The following BCO2 variants were observed in gnomAD, a reference collection of about 807,000 sequenced individuals.
BCO2 encodes the protein beta-carotene oxygenase 2, also known as carotenoid-cleaving dioxygenase, mitochondrial.
In BCO2, 56 loss-of-function variants were observed where a neutral mutation model predicts 65.8. That is an observed-to-expected ratio of 0.85 (90% CI 0.69 to 1.06). The LOEUF is 1.06. Ranked by LOEUF, BCO2 falls within the 50% of genes least tolerant of loss-of-function variation. The pLI is 0.00. For missense variants in BCO2, 675 were observed against 698.5 expected, an observed-to-expected ratio of 0.97 and a Z score of 0.38; for synonymous variants, 233 against 242.3, an observed-to-expected ratio of 0.96 and a Z score of 0.36.
Position 112,206,654 on chromosome 11 carries a change from A to T in BCO2, c.1194+4464A>T, listed in dbSNP as rs566719298. Among the ~76,000 whole-genome samples the T allele has an allele frequency of 1.8e-4, 27 of 152,114 alleles. 1 individual carries two copies. In the South Asian group the frequency reaches 5.4e-3, roughly 30 times the overall value. On this transcript the variant is annotated intron_variant, in intron 8 of 11. Transcript: ENST00000357685. ...AATTCCTTATTGGATATGTGGTTGC[A>T]ATTTTTTTCCCCAGCCCATAGGTCG...
chr11:112,208,771 A>G (rs1248958418), intron 8 of BCO2: 1 of 189,830 alleles, frequency 5.3e-6, no homozygotes, highest in Non-Finnish European at 1.2e-5. Flanking sequence ...TTCTAAGGGA[A>G]GTAAATTACT....
intron 2 of BCO2, among the ~76,000 whole-genome samples, chr11:112,190,510 T>C (rs970499292): frequency 2.0e-5 from 3 of 152,144 alleles, no homozygotes; most frequent in Non-Finnish European, 4.4e-5. Flanking sequence ...CCATAGATGT[T>C]GAAAAAGCTT....
chr11:112,196,915 TCCTTCCCTTCCCTTCCCTTCCCTTC>T lies in BCO2; in HGVS notation c.736+2186_736+2210del, dbSNP rs71060231. On this transcript the variant is annotated intron_variant, in intron 5 of 11. Transcript: ENST00000357685. ...TTCTCCTTCCTTTCCTTCCTTTCCT[TCCTTCCCTTCCCTTCCCTTCCCTTC>T]CCTTCCCTTCCCTTCCCTTCCCTTC... Among the ~76,000 whole-genome samples, 235 of 124,346 alleles carry T rather than the reference TCCTTCCCTTCCCTTCCCTTCCCTTC, an allele frequency of 1.9e-3. 3 individuals are homozygous for T. The highest frequency in any genetic ancestry group is 5.3e-3 in the South Asian group (19 of 3,594). 81.6% of individuals were successfully genotyped at this position (124,346 alleles called of 152,430 possible). A position where few individuals can be genotyped will look rare whatever the true frequency, so the allele number is the denominator to read the frequency against.
chr11:112,204,420 T>C (rs1867814954), intron 8 of BCO2, among the ~76,000 whole-genome samples: 1 of 152,212 alleles, frequency 6.6e-6, no homozygotes, highest in African/African-American at 2.4e-5. Flanking sequence ...TTTGAGTATA[T>C]ACCCAGGAGA....
At chr11:112,189,713 A>C (rs575841209) in intron 2 of BCO2, among the ~76,000 whole-genome samples, 3 of 152,210 alleles carry the variant, frequency 2.0e-5, no homozygotes, top group South Asian at 2.1e-4. Context: ...CAGAGAGGGA[A>C]GTTTTAAGTA....
In BCO2 at chr11:112,184,283, C is replaced by T. The variant is rs573265181; in HGVS notation, c.293+4801C>T. 1.5e-4 allele frequency among the ~76,000 whole-genome samples: 23 copies of T among 149,256 alleles called. No homozygotes were observed. In the East Asian group the frequency reaches 1.8e-3, roughly 11 times the overall value. On this transcript the variant is annotated intron_variant, in intron 2 of 11. Transcript: ENST00000357685. Reference sequence around the variant, plus strand: ...TTTTTTTTTTTTTGAGACAGAGTCTCGCTGTGTCGCCCAGGCTGGAGTGCA... The same window carrying T: ...TTTTTTTTTTTTTGAGACAGAGTCTTGCTGTGTCGCCCAGGCTGGAGTGCA...
At chr11:112,199,097 A>T (rs890894406) in intron 5 of BCO2, among the ~76,000 whole-genome samples, 1 of 151,996 alleles carries the variant, frequency 6.6e-6, no homozygotes, top group East Asian at 1.9e-4. Flanking sequence ...TCTTAATGCT[A>T]TCCCTCCCCT....
At chr11:112,188,701 A>G (rs1867277586) in intron 2 of BCO2, among the ~76,000 whole-genome samples, 1 of 149,802 alleles carries the variant, frequency 6.7e-6, no homozygotes, top group Non-Finnish European at 1.5e-5. Context: ...TTCCCTCTTG[A>G]CCTTTCCCTG....
In BCO2 at chr11:112,202,189, A is replaced by G. The variant is rs779594295; in HGVS notation, c.1193A>G (p.Gln398Arg). The change falls in exon 8 of 12, where the codon CAG (glutamine) becomes CGG (arginine). Residue 398 changes from glutamine (Q) to arginine (R), a missense_variant and splice_region_variant. By Grantham distance (43) the Gln-to-Arg change is conservative. Coordinates refer to ENST00000357685, the MANE Select transcript of BCO2 (RefSeq NM_031938.7). ...NLRKAGEGLDQVHNSAAKSFP... is the reference protein window; with the variant it reads ...NLRKAGEGLDRVHNSAAKSFP... ...AGGAAGGCTGGGGAAGGGCTTGATC[A>G]GGTAAACATTAGAATTTGTCAAGAG... 3.1e-6 allele frequency: 5 copies of G among 1,603,348 alleles called. No homozygotes were observed.
intron 8 of BCO2, among the ~76,000 whole-genome samples, chr11:112,209,843 G>T (rs964528164): frequency 6.6e-6 from 1 of 152,044 alleles, no homozygotes; most frequent in Non-Finnish European, 1.5e-5. Context: ...TAAATATATT[G>T]CAGGATTTGC....
chr11:112,187,744 C>T (rs1395787438), intron 2 of BCO2, among the ~76,000 whole-genome samples: 1 of 152,152 alleles, frequency 6.6e-6, no homozygotes, highest in Non-Finnish European at 1.5e-5. Flanking sequence ...ATTTCCTCAT[C>T]TGCCAAATAA....
At chr11:112,177,854 C>G (rs1384582881) in intron 1 of BCO2, among the ~76,000 whole-genome samples, 1 of 150,856 alleles carries the variant, frequency 6.6e-6, no homozygotes, top group Non-Finnish European at 1.5e-5. Flanking sequence ...TGTGCTGCCT[C>G]TTAAGGGAAG....
At chr11:112,179,238 T>C (rs1424221243) in intron 1 of BCO2, 40 bp from the exon 2 acceptor site, 8 of 1,579,032 alleles carry the variant, frequency 5.1e-6, no homozygotes, top group Middle Eastern at 1.7e-4. Context: ...ATAGAAGATT[T>C]GGTAAAATAT....
At chr11:112,184,171 A>G (rs1439476526) in intron 2 of BCO2, among the ~76,000 whole-genome samples, 4 of 152,230 alleles carry the variant, frequency 2.6e-5, no homozygotes, top group African/African-American at 9.6e-5. Flanking sequence ...ATCAAAGCTT[A>G]TATTAATGAA....
chr11:112,196,344 A>G (rs1005977847), intron 5 of BCO2, among the ~76,000 whole-genome samples: 2 of 152,122 alleles, frequency 1.3e-5, no homozygotes, highest in Admixed American at 6.6e-5. Flanking sequence ...GAGCTTGACT[A>G]CTTGATAGAC....
rs1867684096 is a variant in BCO2, at chr11:112,199,903, T to G, written c.865+76T>G. On this transcript the variant is annotated intron_variant, in intron 6 of 11. Coordinates refer to ENST00000357685, the MANE Select transcript of BCO2 (RefSeq NM_031938.7). ...GTAGCAGAAGGACTAGTCTGGCAAA[T>G]GTTATGTTAATAGTTTATCACGCTA... 3 of 1,526,212 alleles carry G rather than the reference T, an allele frequency of 2.0e-6. No individual in the cohort carries two copies. In the Admixed American group the frequency reaches 5.4e-5, roughly 27 times the overall value. 94.5% of individuals were successfully genotyped at this position (1,526,212 alleles called of 1,614,324 possible).
At chr11:112,182,084 C>A (rs1867066921) in intron 2 of BCO2, among the ~76,000 whole-genome samples, 1 of 152,144 alleles carries the variant, frequency 6.6e-6, no homozygotes, top group Non-Finnish European at 1.5e-5. Flanking sequence ...ATTTATGTAG[C>A]CAGACACATG....
At chr11:112,202,286 TCTC>T in intron 8 of BCO2, 96 bp downstream of exon 8, 4 of 1,170,808 alleles carry the variant, frequency 3.4e-6, no homozygotes, top group Admixed American at 2.7e-5. Context: ...TCTCTCTCTC[TCTC>T]TTTTTTCTTT....
chr11:112,196,915 TCCTTCCCTTCCCTTCCCTTC>T (rs71060231), intron 5 of BCO2, among the ~76,000 whole-genome samples: 71 of 124,346 alleles, frequency 5.7e-4, no homozygotes, highest in African/African-American at 1.9e-3. Flanking sequence ...TTCCTTTCCT[TCCTTCCCTTCCCTTCCCTTC>T]CCTTCCCTTC....
Sources: gnomAD v4.1 joint callset for allele counts (sites outside exome capture counted in the v4.1 genomes callset) on GRCh38, gnomAD v4.1.1 for gene constraint, MANE v1.5 for transcripts, NCBI Gene and HGNC (gene_info 2026-07-23, HGNC 2026-07-21) for gene names.